CSMD1: variants seen among roughly 807,000 people sequenced by gnomAD.
CSMD1 encodes CUB and sushi domain-containing protein 1.
Under a neutral mutation model 417.5 loss-of-function variants are expected in CSMD1, and 213 were observed. That is an observed-to-expected ratio of 0.51 (90% confidence interval 0.46 to 0.57). The LOEUF (loss-of-function observed/expected upper bound fraction) is 0.57, where lower values mean the gene tolerates loss of function less well. Among genes scored for constraint, CSMD1 ranks in the 20% least tolerant of loss-of-function variants. The pLI, the probability that CSMD1 is intolerant of heterozygous loss-of-function variation, is 0.00. For synonymous variants in CSMD1, 2,862 were observed against 1,736.8 expected (o/e 1.65, Z -16.11); for missense variants, 6,923 against 4,529.7 (o/e 1.53, Z -15.17).
At chr8:4,865,235 C>A (rs1470687343) in intron 1 of CSMD1, among the ~76,000 whole-genome samples, 1 of 151,728 alleles carries the variant, frequency 6.6e-6, no homozygotes, top group Admixed American at 6.6e-5. Flanking sequence ...AAATTAAATA[C>A]TTGTACCAAC....
Position 4,450,107 on chromosome 8 carries a change from T to C in CSMD1, c.303-30042A>G, listed in dbSNP as rs184687054. Reference sequence around the variant, plus strand: ...TCTCACTTCTGCTCAATTTATCCTGTACACCAGCACTTCTTTGTCCATTGT... The same window carrying C: ...TCTCACTTCTGCTCAATTTATCCTGCACACCAGCACTTCTTTGTCCATTGT... On this transcript the variant is annotated intron_variant, in intron 2 of 69. Coordinates refer to ENST00000635120, the MANE Select transcript of CSMD1 (RefSeq NM_033225.6). Among the ~76,000 whole-genome samples, 252 of 152,296 alleles carry C rather than the reference T, an allele frequency of 1.7e-3. 1 individual carries two copies. Among genetic ancestry groups the C allele is most frequent in the African/African-American group, 5.7e-3 (236 of 41,556 alleles).
chr8:3,986,768 T>C (rs188297517), intron 5 of CSMD1, among the ~76,000 whole-genome samples: 1,533 of 152,132 alleles, frequency 0.01, 13 homozygotes, highest in Non-Finnish European at 0.015. Context: ...GATTTTTCTT[T>C]TTTTTTAGAT....
intron 4 of CSMD1, among the ~76,000 whole-genome samples, chr8:4,005,482 T>C (rs1295129304): frequency 6.6e-6 from 1 of 152,120 alleles, no homozygotes; most frequent in Non-Finnish European, 1.5e-5. Flanking sequence ...GAACACTGAA[T>C]TATCTCCAGT....
At chr8:3,350,770 T>C (rs569769334) in intron 21 of CSMD1, among the ~76,000 whole-genome samples, 8 of 152,274 alleles carry the variant, frequency 5.3e-5, no homozygotes, top group Non-Finnish European at 1.0e-4. Context: ...AATTGAGCAT[T>C]TGTATCCATG....
chr8:4,456,489 G>A (rs561659955), intron 2 of CSMD1, among the ~76,000 whole-genome samples: 96 of 152,136 alleles, frequency 6.3e-4, no homozygotes, highest in Admixed American at 2.2e-3. Context: ...AATAGTCTTT[G>A]GAAAATTGTA....
chr8:3,231,827 T>C (rs1346179658), intron 26 of CSMD1, among the ~76,000 whole-genome samples: 1 of 152,168 alleles, frequency 6.6e-6, no homozygotes. Context: ...AGCACACTTA[T>C]CATCAGCTAA....
intron 1 of CSMD1, among the ~76,000 whole-genome samples, chr8:4,913,785 T>C (rs542012443): frequency 3.0e-4 from 45 of 152,246 alleles, no homozygotes; most frequent in Admixed American, 1.0e-3. Context: ...CACTGCCAAA[T>C]TGCACGCCAA....
At chr8:3,719,121 T>G (rs1437599382) in intron 6 of CSMD1, among the ~76,000 whole-genome samples, 1 of 152,296 alleles carries the variant, frequency 6.6e-6, no homozygotes, top group South Asian at 2.1e-4. Context: ...AAAGATTTTG[T>G]GTCCTGTTCT....
chr8:3,243,045 T>C (rs568942880), intron 26 of CSMD1, among the ~76,000 whole-genome samples: 1 of 152,112 alleles, frequency 6.6e-6, no homozygotes, highest in African/African-American at 2.4e-5. Flanking sequence ...CTCCTTTGTC[T>C]CTACCAGAAA....
intron 3 of CSMD1, among the ~76,000 whole-genome samples, chr8:4,182,613 C>A (rs920909153): frequency 1.3e-5 from 2 of 152,062 alleles, no homozygotes; most frequent in Non-Finnish European, 2.9e-5. Context: ...ATTTTATGGA[C>A]AACAGTGTTT....
chr8:3,563,070 G>A (rs1008982773), intron 10 of CSMD1, among the ~76,000 whole-genome samples: 2 of 151,998 alleles, frequency 1.3e-5, no homozygotes, highest in Non-Finnish European at 2.9e-5. Flanking sequence ...ATCTGGGTGG[G>A]AGGAATTATA....
At chr8:4,166,293 G>C (rs758998500) in intron 3 of CSMD1, among the ~76,000 whole-genome samples, 1 of 151,954 alleles carries the variant, frequency 6.6e-6, no homozygotes, top group Non-Finnish European at 1.5e-5. Context: ...GTTCTTAATG[G>C]AATATTTTGT....
chr8:4,940,677 T>G (rs4431614), intron 1 of CSMD1, among the ~76,000 whole-genome samples: 1 of 151,778 alleles, frequency 6.6e-6, no homozygotes, highest in East Asian at 1.9e-4. Context: ...AACAAACCAA[T>G]ACCTTACAAG....
intron 3 of CSMD1, among the ~76,000 whole-genome samples, chr8:4,045,260 A>G (rs897258567): frequency 1.8e-4 from 27 of 152,194 alleles, no homozygotes; most frequent in African/African-American, 6.5e-4. Context: ...AGTGAGACAA[A>G]GCCTCTCATT....
chr8:3,568,242 C>G (rs1355900271), intron 10 of CSMD1, among the ~76,000 whole-genome samples: 1 of 152,114 alleles, frequency 6.6e-6, no homozygotes, highest in Non-Finnish European at 1.5e-5. Flanking sequence ...TTTCCCTAAT[C>G]AAAGTTTCAC....
At chr8:3,359,024 G>C (rs1299659354) in intron 21 of CSMD1, 128 bp downstream of exon 21, 8 of 795,206 alleles carry the variant, frequency 1.0e-5, no homozygotes, top group Admixed American at 4.8e-5. Context: ...TGGCAGAGTG[G>C]AGCCCACACT....
intron 3 of CSMD1, among the ~76,000 whole-genome samples, chr8:4,262,966 A>G (rs1219715916): frequency 6.6e-6 from 1 of 152,206 alleles, no homozygotes; most frequent in Non-Finnish European, 1.5e-5. Context: ...TGAGTCTCCA[A>G]GTAGAATCAC....
At chr8:4,418,531 C>T (rs1797073868) in intron 3 of CSMD1, among the ~76,000 whole-genome samples, 1 of 152,026 alleles carries the variant, frequency 6.6e-6, no homozygotes, top group Non-Finnish European at 1.5e-5. Flanking sequence ...GAAAAAAATG[C>T]CAAGTTTTCT....
At chr8:4,264,573 A>G (rs1244802693) in intron 3 of CSMD1, among the ~76,000 whole-genome samples, 3 of 152,154 alleles carry the variant, frequency 2.0e-5, no homozygotes, top group African/African-American at 7.2e-5. Flanking sequence ...GCATTTTATT[A>G]TGGAAGACTG....
Sources: allele counts gnomAD v4.1 joint callset (sites outside exome capture counted in the v4.1 genomes callset), GRCh38; gene constraint gnomAD v4.1.1; transcripts MANE v1.5; gene names NCBI Gene and HGNC (gene_info 2026-07-23, HGNC 2026-07-21).